VPS54: variants seen among roughly 807,000 people sequenced by gnomAD.
VPS54 encodes the protein vacuolar protein sorting-associated protein 54.
In VPS54, 45 loss-of-function variants were observed where a neutral mutation model predicts 121.5. The observed-to-expected ratio is 0.37, with a 90% CI of 0.29 to 0.47. The LOEUF (loss-of-function observed/expected upper bound fraction) is 0.47. VPS54 is among the 20% of genes least tolerant of loss of function. The probability of loss-of-function intolerance (pLI) is 0.99; values close to 1 mark genes in which losing one functional copy is unlikely to be tolerated. For missense variants in VPS54, 1,090 were observed against 1,131.4 expected, an observed-to-expected ratio of 0.96 and a Z score of 0.52; for synonymous variants, 371 against 385.8, an observed-to-expected ratio of 0.96 and a Z score of 0.45.
intron 1 of VPS54, among the ~76,000 whole-genome samples, chr2:64,015,175 A>G (rs1412730435): frequency 1.3e-5 from 2 of 152,204 alleles, no homozygotes; most frequent in African/African-American, 4.8e-5. Flanking sequence ...TCTATTTACA[A>G]TTTCAAAAAC....
intron 7 of VPS54, among the ~76,000 whole-genome samples, chr2:63,950,382 A>G (rs1428947548): frequency 6.6e-6 from 1 of 152,010 alleles, no homozygotes; most frequent in Non-Finnish European, 1.5e-5. Context: ...TCTAGAAGCT[A>G]GATTAGAGAT....
chr2:63,909,232 C>A (rs1366080474), intron 20 of VPS54, among the ~76,000 whole-genome samples: 1 of 152,050 alleles, frequency 6.6e-6, no homozygotes, highest in East Asian at 1.9e-4. Flanking sequence ...TATTGGAGGA[C>A]AAGATCAAAG....
chr2:64,016,887 G>A (rs978501031), intron 1 of VPS54, among the ~76,000 whole-genome samples: 9 of 151,924 alleles, frequency 5.9e-5, no homozygotes, highest in African/African-American at 2.2e-4. Context: ...GGGATTACAG[G>A]TGTGAGCCAC....
At chr2:63,927,676 G>C (rs1673973483) in intron 12 of VPS54, among the ~76,000 whole-genome samples, 1 of 152,194 alleles carries the variant, frequency 6.6e-6, no homozygotes, top group Admixed American at 6.5e-5. Flanking sequence ...CGAGCTGACG[G>C]AAGTAGGCTT....
chr2:64,018,748 A>G (rs1409226955), intron 1 of VPS54, among the ~76,000 whole-genome samples, 190 bp downstream of exon 1: 3 of 13,350 alleles, frequency 2.2e-4, no homozygotes, highest in South Asian at 1.0e-3. Flanking sequence ...AGTGAAAAGG[A>G]AAAAAAAAAA....
intron 11 of VPS54, among the ~76,000 whole-genome samples, chr2:63,937,863 A>C (rs1005115365): frequency 2.6e-5 from 4 of 152,182 alleles, no homozygotes. Context: ...CACAGATGGC[A>C]CCTTGAGGAC....
chr2:63,970,623 C>G (rs1676241394), intron 4 of VPS54, among the ~76,000 whole-genome samples: 1 of 152,052 alleles, frequency 6.6e-6, no homozygotes, highest in Admixed American at 6.5e-5. Flanking sequence ...TTGATCTATC[C>G]CGAACTATTC....
At chr2:63,963,093 T>C (rs892093126) in intron 6 of VPS54, among the ~76,000 whole-genome samples, 3 of 152,124 alleles carry the variant, frequency 2.0e-5, no homozygotes, top group Non-Finnish European at 4.4e-5. Flanking sequence ...GATAGACTGA[T>C]GGTTCAGTCA....
At chr2:63,902,874 C>G (rs532756720) in intron 20 of VPS54, among the ~76,000 whole-genome samples, 53 of 152,036 alleles carry the variant, frequency 3.5e-4, no homozygotes, top group Non-Finnish European at 4.6e-4. Context: ...AGGCTGAGAC[C>G]TGAGAATTGC....
At chr2:63,988,766 G>T (rs772473457) in intron 1 of VPS54, among the ~76,000 whole-genome samples, 1 of 152,068 alleles carries the variant, frequency 6.6e-6, no homozygotes, top group Non-Finnish European at 1.5e-5. Flanking sequence ...TGTTCGTAAA[G>T]CATGTATGTT....
rs1553475195 is a variant in VPS54, at chr2:63,938,059, G to GGTGTGTGTGTGTGTGTGTGT, written c.1399-4066_1399-4047dup. The stretch of plus-strand genomic sequence containing the variant: ...AAACGTGTGTGTGTGTGGTGTGTGT[G>GGTGTGTGTGTGTGTGTGTGT]GTGTGTGTGTGTGTGTGTGTGTGTG... On this transcript the variant is annotated intron_variant, in intron 11 of 22. Transcript: ENST00000272322. Among the ~76,000 whole-genome samples the GGTGTGTGTGTGTGTGTGTGT allele has an allele frequency of 1.4e-3, 203 of 140,464 alleles. 4 individuals carry two copies. Among genetic ancestry groups the GGTGTGTGTGTGTGTGTGTGT allele is most frequent in the African/African-American group, 4.9e-3 (176 of 36,126 alleles). 92.1% of individuals were successfully genotyped at this position (140,464 alleles called of 152,430 possible).
chr2:63,926,167 A>C (rs1212364385), intron 12 of VPS54, among the ~76,000 whole-genome samples: 1 of 152,230 alleles, frequency 6.6e-6, no homozygotes, highest in Non-Finnish European at 1.5e-5. Flanking sequence ...GCTAAAAGCC[A>C]GAACAGCCAC....
At chr2:63,972,402 G>A (rs936398850) in intron 3 of VPS54, among the ~76,000 whole-genome samples, 158 bp from the exon 4 acceptor site, 1 of 151,982 alleles carries the variant, frequency 6.6e-6, no homozygotes, top group Admixed American at 6.6e-5. Flanking sequence ...AGTAACAAGC[G>A]GTTAATAAAC....
chr2:63,996,884 T>C (rs893969295), intron 1 of VPS54, among the ~76,000 whole-genome samples: 5 of 152,152 alleles, frequency 3.3e-5, no homozygotes, highest in Non-Finnish European at 7.4e-5. Context: ...TTGTGATATT[T>C]TGTTGCCCTT....
intron 20 of VPS54, among the ~76,000 whole-genome samples, chr2:63,905,559 C>G (rs1251225127): frequency 1.3e-5 from 2 of 151,404 alleles, no homozygotes; most frequent in Middle Eastern, 3.4e-3. Context: ...AAAGTAAGAA[C>G]AAAGACCAAA....
intron 7 of VPS54, among the ~76,000 whole-genome samples, chr2:63,957,929 A>C (rs1440925858): frequency 6.6e-6 from 1 of 152,164 alleles, no homozygotes; most frequent in East Asian, 1.9e-4. Flanking sequence ...GGTGTGGCAC[A>C]CTTTTTTAAA....
intron 11 of VPS54, among the ~76,000 whole-genome samples, chr2:63,938,961 A>T (rs1674591821): frequency 1.3e-5 from 2 of 152,250 alleles, no homozygotes; most frequent in African/African-American, 2.4e-5. Context: ...AAAAAAATAC[A>T]AATAACAGCA....
At chr2:63,938,137 G>C (rs974436561) in intron 11 of VPS54, among the ~76,000 whole-genome samples, 5 of 149,594 alleles carry the variant, frequency 3.3e-5, no homozygotes, top group African/African-American at 1.2e-4. Context: ...TGTGTGCGTG[G>C]CTGTGTGTGT....
chr2:63,916,963 G>T lies in VPS54; in HGVS notation c.2165C>A (p.Ala722Asp). The T allele has an allele frequency of 1.2e-6, 2 of 1,613,390 alleles. No homozygotes were observed. Among genetic ancestry groups the T allele is most frequent in the Non-Finnish European group, 8.5e-7 (1 of 1,179,558 alleles). ...TTCAGCTGGTTTCCTTTCTTCTGTGGCTACAGAGTTAAGCAAATAAACGAG... is the reference window on the plus strand; with the variant it reads ...TTCAGCTGGTTTCCTTTCTTCTGTGTCTACAGAGTTAAGCAAATAAACGAG... ...KIALPEKKSG[A>D]TEERKPAEVL... Residue 722 changes from alanine (A) to aspartate (D), a missense_variant and splice_region_variant, in exon 16 of 23, where the codon GCC (alanine) becomes GAC (aspartate). Coordinates refer to ENST00000272322, the MANE Select transcript of VPS54 (RefSeq NM_016516.3).
Sources: gnomAD v4.1 joint callset for allele counts (sites outside exome capture counted in the v4.1 genomes callset) on GRCh38, gnomAD v4.1.1 for gene constraint, MANE v1.5 for transcripts, NCBI Gene and HGNC (gene_info 2026-07-23, HGNC 2026-07-21) for gene names.